CFAP69: variants seen among roughly 807,000 people sequenced by gnomAD.
CFAP69 encodes the protein cilia- and flagella-associated protein 69.
CFAP69 carries 92 observed loss-of-function variants against 123.0 expected under a neutral mutation model. The observed-to-expected ratio is 0.75, with a 90% CI of 0.63 to 0.89. The LOEUF is 0.89. CFAP69 is among the 40% of genes least tolerant of loss of function. The probability of loss-of-function intolerance (pLI) is 0.00; values close to 1 mark genes in which losing one functional copy is unlikely to be tolerated. For synonymous variants in CFAP69, 380 were observed against 364.3 expected, an observed-to-expected ratio of 1.04 and a Z score of -0.49; for missense variants, 1,067 against 1,096.9, an observed-to-expected ratio of 0.97 and a Z score of 0.39.
intron 6 of CFAP69, among the ~76,000 whole-genome samples, chr7:90,269,545 G>A (rs1453197736): frequency 1.3e-5 from 2 of 152,154 alleles, no homozygotes; most frequent in Non-Finnish European, 2.9e-5. Context: ...AGTGTCAAAC[G>A]CTGCAGTTTT....
In CFAP69 at chr7:90,262,047, A is replaced by G. The variant is rs372176475; in HGVS notation, c.347A>G (p.Lys116Arg). The G allele has an allele frequency of 7.0e-6, 11 of 1,572,602 alleles. No homozygotes were observed. Among genetic ancestry groups the G allele is most frequent in the African/African-American group, 1.4e-5 (1 of 72,846 alleles). Residue 116 changes from lysine to arginine, a missense_variant, in exon 4 of 23, where the codon AAA becomes AGA. Coordinates refer to ENST00000389297, the MANE Select transcript of CFAP69 (RefSeq NM_001039706.3). ...ATAGAATCTGCATATGATATCATAAAACTGTGTGGGTAAGTTATCTTTCTT... is the reference window on the plus strand; with the variant it reads ...ATAGAATCTGCATATGATATCATAAGACTGTGTGGGTAAGTTATCTTTCTT... Reference protein sequence around the residue: ...RFIESAYDIIKLCGLPFLKKK... With the variant: ...RFIESAYDIIRLCGLPFLKKK...
chr7:90,273,578 A>T (rs1800275748), intron 8 of CFAP69, among the ~76,000 whole-genome samples: 1 of 152,194 alleles, frequency 6.6e-6, no homozygotes, highest in Admixed American at 6.5e-5. Context: ...GATTTTGTTG[A>T]TAGACATTCA....
At chr7:90,253,877 C>A (rs1468947497) in intron 1 of CFAP69, among the ~76,000 whole-genome samples, 5 of 152,150 alleles carry the variant, frequency 3.3e-5, no homozygotes, top group Admixed American at 2.0e-4. Context: ...TTGTGGCCTG[C>A]ACTTTTGAGG....
chr7:90,288,976 C>A (rs1790700361), intron 15 of CFAP69, among the ~76,000 whole-genome samples: 1 of 151,528 alleles, frequency 6.6e-6, no homozygotes, highest in Admixed American at 6.6e-5. Context: ...CATTGTATAG[C>A]CATACAAAAA....
intron 9 of CFAP69, 30 bp from the exon 10 acceptor site, chr7:90,277,042 TC>T (rs1184879685): frequency 3.4e-6 from 5 of 1,460,274 alleles, no homozygotes; most frequent in African/African-American, 1.4e-5. Context: ...TATTCATTCA[TC>T]TTTCTGCTTA....
At chr7:90,315,255 T>C (rs1794695834), downstream of CFAP69, among the ~76,000 whole-genome samples, 1 of 152,082 alleles carries the variant, frequency 6.6e-6, no homozygotes. Flanking sequence ...CATGACTGAG[T>C]ATATGCTCAG....
chr7:90,315,667 G>T (rs186620473), downstream of CFAP69, among the ~76,000 whole-genome samples: 43 of 152,268 alleles, frequency 2.8e-4, no homozygotes, highest in Non-Finnish European at 4.4e-4. Context: ...GCTTAGTACC[G>T]GGGTGACAAA....
Position 90,245,515 on chromosome 7 carries a change from G to GGTGGTTA in CFAP69, c.92_93insTGGTTAG (p.Val32GlyfsTer2), listed in dbSNP as rs1796216322. On this transcript the variant is annotated stop_gained and frameshift_variant, in exon 1 of 23. Transcript: ENST00000389297. LOFTEE classifies it high-confidence loss of function. Reference sequence around the variant, plus strand: ...CAGTTCCAGTCAAATCCCGGTGGTTGGGGTGGTGACGGAGGACGATGAGGC... The same window carrying GGTGGTTA: ...CAGTTCCAGTCAAATCCCGGTGGTTGGTGGTTAGGGTGGTGACGGAGGACGATGAGGC... 1 of 1,528,932 alleles carries GGTGGTTA rather than the reference G, an allele frequency of 6.5e-7. No individual in the cohort carries two copies. The highest frequency in any genetic ancestry group is 1.4e-5 in the African/African-American group (1 of 69,298). The allele number at this position is 1,528,932 out of a possible 1,614,324, so 94.7% of individuals were successfully genotyped here.
Position 90,286,323 on chromosome 7 carries a change from A to C in CFAP69, c.1580A>C (p.Glu527Ala). ...NIISKPNEKE[E>A]AIVLEIQSDI... ...ATAAGCAAGCCTAATGAAAAGGAAG[A>C]AGCCATTGTTTTGGAAATCCAGTCT... Residue 527 changes from glutamate to alanine, a missense_variant, in exon 14 of 23, where the codon GAA (glutamate) becomes GCA (alanine). Transcript: ENST00000389297. 6.2e-7 allele frequency: 1 copy of C among 1,608,624 alleles called. No individual in the cohort carries two copies. The highest frequency in any genetic ancestry group is 1.1e-5 in the South Asian group (1 of 90,714).
At position 90,310,461 on chromosome 7, in the gene CFAP69, A is replaced by C. The variant is rs17866534; in HGVS notation, c.*223A>C. 3 of 268,886 alleles carry C rather than the reference A, an allele frequency of 1.1e-5. No homozygotes were observed. The highest frequency in any genetic ancestry group is 5.0e-5 in the Admixed American group (1 of 20,186). The allele number at this position is 268,886 out of a possible 1,614,324, so 16.7% of individuals were successfully genotyped here. Reference sequence around the variant, plus strand: ...TTTCTTTGGAAAGGCTACCAATTTTACTAAGTGAAATTGTAAAACATAGTA... The same window carrying C: ...TTTCTTTGGAAAGGCTACCAATTTTCCTAAGTGAAATTGTAAAACATAGTA... On this transcript the variant is annotated 3_prime_UTR_variant, in exon 23 of 23. Coordinates refer to ENST00000389297, the MANE Select transcript of CFAP69 (RefSeq NM_001039706.3).
At chr7:90,266,348 A>G (rs1158803793) in intron 5 of CFAP69, among the ~76,000 whole-genome samples, 1 of 152,086 alleles carries the variant, frequency 6.6e-6, no homozygotes, top group Non-Finnish European at 1.5e-5. Context: ...AATTTAAAGA[A>G]AAACACCTTA....
intron 6 of CFAP69, 102 bp from the exon 7 acceptor site, chr7:90,271,424 A>G: frequency 7.8e-7 from 1 of 1,279,154 alleles, no homozygotes; most frequent in Non-Finnish European, 1.1e-6. Context: ...ATACTTTTAA[A>G]AAGTTTTTCT....
chr7:90,278,294 A>C (rs1353758302), intron 11 of CFAP69, among the ~76,000 whole-genome samples: 2 of 152,154 alleles, frequency 1.3e-5, no homozygotes, highest in Non-Finnish European at 2.9e-5. Flanking sequence ...CATGGGGATA[A>C]CACCTACCTC....
chr7:90,307,673 C>T (rs1036966213), intron 20 of CFAP69, 95 bp from the exon 21 acceptor site: 1 of 674,428 alleles, frequency 1.5e-6, no homozygotes, highest in Non-Finnish European at 2.5e-6. Context: ...TGAGACATGC[C>T]ACTGGACTCC....
At chr7:90,279,458 A>C (rs1388120289) in intron 11 of CFAP69, among the ~76,000 whole-genome samples, 1 of 151,998 alleles carries the variant, frequency 6.6e-6, no homozygotes, top group Non-Finnish European at 1.5e-5. Flanking sequence ...TACATATTTT[A>C]TATTATTGTC....
chr7:90,271,424 AAAG>A, intron 6 of CFAP69, 99 bp from the exon 7 acceptor site: 1 of 1,279,154 alleles, frequency 7.8e-7, no homozygotes, highest in South Asian at 1.5e-5. Flanking sequence ...ATACTTTTAA[AAAG>A]TTTTTCTTGC....
At chr7:90,267,018 A>G (rs1157131777) in intron 5 of CFAP69, among the ~76,000 whole-genome samples, 1 of 152,192 alleles carries the variant, frequency 6.6e-6, no homozygotes, top group Non-Finnish European at 1.5e-5. Flanking sequence ...AAACAGTGGA[A>G]AAGCAGACGA....
rs773646517 is a variant in CFAP69, at chr7:90,310,082, A to T, written c.2670A>T (p.Gly890=). Residue 890 remains glycine (G), a synonymous_variant, in exon 23 of 23, where the codon GGA becomes GGT. Transcript: ENST00000389297. ...KGLNTTVPSG[G]VVTVESTPAR... ...TGCCTTTTTAGGTGCCCTCTGGTGG[A>T]GTAGTAACAGTGGAAAGCACTCCTG... is the stretch of plus-strand genomic sequence containing the variant. 5 of 1,609,706 alleles carry T rather than the reference A, an allele frequency of 3.1e-6. No homozygotes were observed. Among genetic ancestry groups the T allele is most frequent in the Non-Finnish European group, 4.2e-6 (5 of 1,177,450 alleles).
At position 90,310,213 on chromosome 7, in the gene CFAP69, C is replaced by T. The variant is rs750307042; in HGVS notation, c.2801C>T (p.Ala934Val). The T allele has an allele frequency of 1.4e-5, 22 of 1,610,978 alleles. No individual in the cohort carries two copies. Among genetic ancestry groups the T allele is most frequent in the Non-Finnish European group, 1.7e-5 (20 of 1,178,900 alleles). Reference protein sequence around the residue: ...QRVKAVKIVDAPKKSIPT With the variant: ...QRVKAVKIVDVPKKSIPT ...GTGAAAGCAGTTAAAATTGTGGATGCACCAAAAAAGAGTATTCCTACGTAA... is the reference window on the plus strand; with the variant it reads ...GTGAAAGCAGTTAAAATTGTGGATGTACCAAAAAAGAGTATTCCTACGTAA... The change falls in exon 23 of 23, where the codon GCA (alanine) becomes GTA (valine). Residue 934 changes from alanine (A) to valine (V), a missense_variant. Ala to Val is a moderately conservative substitution (Grantham distance 64, BLOSUM62 0). Coordinates refer to ENST00000389297, the MANE Select transcript of CFAP69 (RefSeq NM_001039706.3).
Sources: allele counts gnomAD v4.1 joint callset (sites outside exome capture counted in the v4.1 genomes callset), GRCh38; gene constraint gnomAD v4.1.1; transcripts MANE v1.5; gene names NCBI Gene and HGNC (gene_info 2026-07-23, HGNC 2026-07-21).